The following GRIK5 variants were observed in gnomAD, a reference collection of about 807,000 sequenced individuals.
GRIK5 encodes the protein glutamate ionotropic receptor kainate type subunit 5, also known as glutamate receptor ionotropic, kainate 5.
In GRIK5, 43 loss-of-function variants were observed where a neutral mutation model predicts 97.4. That is an observed-to-expected ratio of 0.44 (90% CI 0.35 to 0.57). GRIK5 has a LOEUF of 0.57. GRIK5 is among the 20% of genes least tolerant of loss of function. GRIK5 has a pLI of 0.01. For missense variants in GRIK5, 1,015 were observed against 1,382.0 expected (o/e 0.73, Z 4.21); for synonymous variants, 580 against 583.5 (o/e 0.99, Z 0.09).
Position 42,002,896 on chromosome 19 carries a change from C to T in GRIK5, c.2514+436G>A, listed in dbSNP as rs555804143. Among the ~76,000 whole-genome samples the T allele has an allele frequency of 2.6e-5, 4 of 152,148 alleles. No homozygotes were observed. The highest frequency in any genetic ancestry group is 2.1e-4 in the South Asian group (1 of 4,818). On this transcript the variant is annotated intron_variant, in intron 19 of 19. Coordinates refer to ENST00000593562, the MANE Select transcript of GRIK5 (RefSeq NM_002088.5). The surrounding 1 kb of genome is among the most constrained non-coding windows in gnomAD (Gnocchi z 5.2). ...GATTACAGGTGTGCACCACCATGCC[C>T]GGCTAATTTTTGTATTTTTAGTAGA...
chr19:42,001,980 A>T (rs1266016444), intron 19 of GRIK5: 1 of 608,874 alleles, frequency 1.6e-6, no homozygotes, highest in African/African-American at 1.9e-5. Context: ...AGAAAGAGAA[A>T]CCCAACGAGG....
At position 42,002,792 on chromosome 19, in the gene GRIK5, G is replaced by C. The variant is rs1469752934; in HGVS notation, c.2514+540C>G. ...CCTCTGTCACCCAGGCTGGAGTGCA[G>C]TGGTGCAATCTCAGCTTACTGCAAT... On this transcript the variant is annotated intron_variant, in intron 19 of 19. Transcript: ENST00000593562. The surrounding 1 kb of genome is among the most constrained non-coding windows in gnomAD (Gnocchi z 5.2). Among the ~76,000 whole-genome samples, 17 of 152,164 alleles carry C rather than the reference G, an allele frequency of 1.1e-4. No homozygotes were observed. Among genetic ancestry groups the C allele is most frequent in the Admixed American group, 1.1e-3 (17 of 15,288 alleles).
intron 19 of GRIK5, among the ~76,000 whole-genome samples, chr19:42,000,043 T>A (rs782521797): frequency 1.3e-5 from 2 of 152,198 alleles, no homozygotes; most frequent in Non-Finnish European, 2.9e-5. Flanking sequence ...TCTGAGGCAC[T>A]GCAAGCAGGT....
Position 42,042,688 on chromosome 19 carries a change from A to C in GRIK5, c.1337T>G (p.Phe446Cys), listed in dbSNP as rs2075993311. The C allele has an allele frequency of 6.2e-7, 1 of 1,613,566 alleles. No individual in the cohort carries two copies. Among genetic ancestry groups the C allele is most frequent in the Non-Finnish European group, 8.5e-7 (1 of 1,180,004 alleles). The change falls in exon 12 of 20, where the codon TTC (phenylalanine) becomes TGC (cysteine). Residue 446 changes from phenylalanine to cysteine, a missense_variant. Around this residue, in one of 5 missense-constraint regions of GRIK5, gnomAD observed 477 missense variants for 701.1 expected, o/e 0.68. Coordinates refer to ENST00000593562, the MANE Select transcript of GRIK5 (RefSeq NM_002088.5). This position sits in a 1 kb window ranked among gnomAD's most constrained non-coding sequence, Gnocchi z 6.9. ...ALSGNERFEG[F>C]CVDMLRELAE... ...CAGCTCCCGCAGCATGTCCACGCAG[A>C]AGCCCTCGAAGCGTTCGTTCCCCGA...
chr19:42,011,716 TA>T (rs1420430733), intron 15 of GRIK5, among the ~76,000 whole-genome samples: 1 of 152,176 alleles, frequency 6.6e-6, no homozygotes, highest in South Asian at 2.1e-4. Context: ...GCTCACGCTG[TA>T]ATTCCATCAC....
intron 11 of GRIK5, among the ~76,000 whole-genome samples, chr19:42,049,664 C>T (rs2076087317): frequency 6.6e-6 from 1 of 152,148 alleles, no homozygotes; most frequent in South Asian, 2.1e-4. Context: ...TTGGGGACAG[C>T]TGGTTGGTTA....
intron 12 of GRIK5, among the ~76,000 whole-genome samples, chr19:42,033,278 A>C (rs1253045456): frequency 1.4e-5 from 2 of 147,924 alleles, no homozygotes; most frequent in African/African-American, 5.0e-5. Flanking sequence ...AGATCATGCC[A>C]CTGCACTCCA....
Position 42,021,465 on chromosome 19 carries a change from G to A in GRIK5, c.1707C>T (p.Pro569=), listed in dbSNP as rs1390827814. The change falls in exon 15 of 20, where the codon CCC becomes CCT. Residue 569 remains proline (P), a synonymous_variant. Transcript: ENST00000593562. The surrounding 1 kb of genome is among the most constrained non-coding windows in gnomAD (Gnocchi z 4.2). The part of the protein sequence containing the change: ...CVLFLAARLS[P]YEWYNPHPCL... Reference sequence around the variant, plus strand: ...ATGGGTGTGGGTTATACCACTCATAGGGGCTCAGCCTGTGGAGAGACGTGC... The same window carrying A: ...ATGGGTGTGGGTTATACCACTCATAAGGGCTCAGCCTGTGGAGAGACGTGC... The A allele has an allele frequency of 3.2e-6, 5 of 1,573,682 alleles. No homozygotes were observed. Among genetic ancestry groups the A allele is most frequent in the Non-Finnish European group, 4.3e-6 (5 of 1,155,876 alleles).
chr19:42,039,895 G>A (rs192904113), intron 12 of GRIK5, among the ~76,000 whole-genome samples: 18 of 152,074 alleles, frequency 1.2e-4, no homozygotes, highest in African/African-American at 2.9e-4. Context: ...TGGGAGGATC[G>A]CTTGAGCCCA....
In GRIK5 at chr19:41,998,704, A is replaced by G; in HGVS notation, c.*167T>C. The G allele has an allele frequency of 4.4e-6, 1 of 228,344 alleles. No homozygotes were observed. The highest frequency in any genetic ancestry group is 8.0e-6 in the Non-Finnish European group (1 of 125,616). The allele number at this position is 228,344 out of a possible 1,614,324, so 14.1% of individuals were successfully genotyped here. On this transcript the variant is annotated 3_prime_UTR_variant, in exon 20 of 20. Transcript: ENST00000593562. The stretch of plus-strand genomic sequence containing the variant: ...CCACTGGGGGGCGCAGGCGGGCTCC[A>G]GAGCCAGGCCTCGGACTTCGCGGGG...
At chr19:42,040,373 G>A (rs2075963157) in intron 12 of GRIK5, among the ~76,000 whole-genome samples, 1 of 152,164 alleles carries the variant, frequency 6.6e-6, no homozygotes, top group African/African-American at 2.4e-5. Flanking sequence ...TCAGGTGCAG[G>A]GCTACTCCCT....
intron 11 of GRIK5, among the ~76,000 whole-genome samples, chr19:42,050,519 G>A (rs2076100822): frequency 6.6e-6 from 1 of 151,982 alleles, no homozygotes; most frequent in Non-Finnish European, 1.5e-5. Context: ...AAAGCCGGGT[G>A]TGGTGACGGG....
chr19:42,042,523 C>T lies in GRIK5; in HGVS notation c.1473+29G>A. 1.3e-6 allele frequency: 2 copies of T among 1,579,292 alleles called. No individual in the cohort carries two copies. Among genetic ancestry groups the T allele is most frequent in the Non-Finnish European group, 8.6e-7 (1 of 1,158,964 alleles). On this transcript the variant is annotated intron_variant, in intron 12 of 19. Transcript: ENST00000593562. The surrounding 1 kb of genome is among the most constrained non-coding windows in gnomAD (Gnocchi z 6.9). Reference sequence around the variant, plus strand: ...CCCTCCCTCACTCGCCGGGTCCATGCATCTTTCCCGGCCCCAGTCCAGCCA... The same window carrying T: ...CCCTCCCTCACTCGCCGGGTCCATGTATCTTTCCCGGCCCCAGTCCAGCCA...
At chr19:42,009,845 T>C (rs1007936152) in intron 15 of GRIK5, among the ~76,000 whole-genome samples, 19 of 147,596 alleles carry the variant, frequency 1.3e-4, no homozygotes, top group African/African-American at 4.3e-4. Context: ...TGGGGGCGGA[T>C]TGCCTGAGCT....
Position 42,054,324 on chromosome 19 carries a change from C to T in GRIK5, c.1052G>A (p.Arg351His), listed in dbSNP as rs964530160. ...CCCATCCCCGCTCGGGCTCACCATG[C>T]GCAGGTAGTTCATGAGGCTGGTCCC... is the stretch of plus-strand genomic sequence containing the variant. ...PHGTSLMNYL[R>H]MVEYDGLTGR... The change falls in exon 9 of 20, where the codon CGC becomes CAC. Residue 351 changes from arginine (R) to histidine (H), a missense_variant. Transcript: ENST00000593562. The T allele has an allele frequency of 6.2e-6, 10 of 1,609,154 alleles. No individual in the cohort carries two copies. Among genetic ancestry groups the T allele is most frequent in the African/African-American group, 1.3e-5 (1 of 74,824 alleles).
chr19:42,055,625 A>G (rs1172845800), intron 8 of GRIK5, among the ~76,000 whole-genome samples: 2 of 152,192 alleles, frequency 1.3e-5, no homozygotes, highest in African/African-American at 4.8e-5. Context: ...AAATAAGCAA[A>G]TATAAGTGCT....
At chr19:42,037,133 G>C (rs2075915826) in intron 12 of GRIK5, among the ~76,000 whole-genome samples, 1 of 152,228 alleles carries the variant, frequency 6.6e-6, no homozygotes. Context: ...GCATGTGCCA[G>C]GCTCTGTGCA....
At chr19:42,033,399 A>G (rs1408931696) in intron 12 of GRIK5, among the ~76,000 whole-genome samples, 3 of 151,986 alleles carry the variant, frequency 2.0e-5, no homozygotes, top group Non-Finnish European at 4.4e-5. Context: ...TGGAAACATC[A>G]TGCAAAGTGA....
chr19:42,012,317 C>G (rs1456966023), intron 15 of GRIK5, among the ~76,000 whole-genome samples: 1 of 152,148 alleles, frequency 6.6e-6, no homozygotes, highest in South Asian at 2.1e-4. Context: ...GTGGCACGAT[C>G]TCAGCTTACT....
Sources: gnomAD v4.1 joint callset for allele counts (sites outside exome capture counted in the v4.1 genomes callset) on GRCh38, gnomAD v4.1.1 for gene constraint, gnomAD v4.1.1 regional missense constraint, Gnocchi (gnomAD v3.1) non-coding constraint, MANE v1.5 for transcripts, NCBI Gene and HGNC (gene_info 2026-07-23, HGNC 2026-07-21) for gene names.